The following TUSC3 variants were observed in gnomAD, a reference collection of about 807,000 sequenced individuals.
TUSC3 encodes tumor suppressor candidate 3.
Under a neutral mutation model 44.8 loss-of-function variants are expected in TUSC3, and 45 were observed. That is an observed-to-expected ratio of 1.00 (90% CI 0.79 to 1.29). The LOEUF (loss-of-function observed/expected upper bound fraction) is 1.29, where lower values mean the gene tolerates loss of function less well. TUSC3 is among the 50% of genes most tolerant of loss of function. TUSC3 has a pLI of 0.00. For synonymous variants in TUSC3, 212 were observed against 152.9 expected, an observed-to-expected ratio of 1.39 and a Z score of -2.85; for missense variants, 519 against 437.9, an observed-to-expected ratio of 1.19 and a Z score of -1.65.
chr8:15,468,570 AC>A (rs992068697), intron 1 of TUSC3, among the ~76,000 whole-genome samples: 1 of 152,040 alleles, frequency 6.6e-6, no homozygotes, highest in African/African-American at 2.4e-5. Context: ...TTTGTTTTTT[AC>A]CCTTAAATTT....
chr8:15,538,925 C>G (rs1801578958), upstream of TUSC3, among the ~76,000 whole-genome samples: 1 of 151,858 alleles, frequency 6.6e-6, no homozygotes, highest in Admixed American at 6.6e-5. Context: ...TCGGAACTCA[C>G]TGTAACCTCA....
chr8:15,803,160 G>C, the TUSC3 span, among the ~76,000 whole-genome samples: 1 of 152,080 alleles, frequency 6.6e-6, no homozygotes, highest in African/African-American at 2.4e-5. Context: ...GAACAGTGAG[G>C]GGTGAGTCAT....
rs1318236771 is a variant in TUSC3 at position 15,597,846 on chromosome 8, T to A, written c.139-25234T>A. On this transcript the variant is annotated intron_variant, in intron 1 of 10. Coordinates refer to ENST00000503731, the MANE Select transcript of TUSC3 (RefSeq NM_006765.4). ...GAGTATGGCCTACATTTTTAAGGCATTTGGAATTCTAAGTTGGTAATGGGG... is the reference window on the plus strand; with the variant it reads ...GAGTATGGCCTACATTTTTAAGGCAATTGGAATTCTAAGTTGGTAATGGGG... Among the ~76,000 whole-genome samples, 8 of 152,018 alleles carry A rather than the reference T, an allele frequency of 5.3e-5. No individual in the cohort carries two copies. The East Asian group carries it at 1.5e-3, about 29-fold the overall frequency.
chr8:15,557,736 A>G lies in TUSC3; in HGVS notation c.138+17168A>G, dbSNP rs1172646993. Among the ~76,000 whole-genome samples the G allele has an allele frequency of 4.3e-5, 6 of 137,950 alleles. No homozygotes were observed. The Admixed American group carries it at 4.5e-4, about 10-fold the overall frequency. The allele number at this position is 137,950 out of a possible 152,430, so 90.5% of individuals were successfully genotyped here. ...GTCCTTCACATCCCTTGTAAGTTGGATTCCTAGATATTTTCTTCTCTTTGA... is the reference window on the plus strand; with the variant it reads ...GTCCTTCACATCCCTTGTAAGTTGGGTTCCTAGATATTTTCTTCTCTTTGA... On this transcript the variant is annotated intron_variant, in intron 1 of 10. Coordinates refer to ENST00000503731, the MANE Select transcript of TUSC3 (RefSeq NM_006765.4).
Position 15,570,380 on chromosome 8 carries a change from A to T in TUSC3, c.138+29812A>T, listed in dbSNP as rs548508710. On this transcript the variant is annotated intron_variant, in intron 1 of 10. Coordinates refer to ENST00000503731, the MANE Select transcript of TUSC3 (RefSeq NM_006765.4). Reference sequence around the variant, plus strand: ...TGCTGGAAATTGGTTGAAAGATTGTATTCTTTGGTTTGAAATAAGTTGCAA... The same window carrying T: ...TGCTGGAAATTGGTTGAAAGATTGTTTTCTTTGGTTTGAAATAAGTTGCAA... Among the ~76,000 whole-genome samples, 3 of 152,052 alleles carry T rather than the reference A, an allele frequency of 2.0e-5. No individual in the cohort carries two copies. The East Asian group carries it at 5.8e-4, about 29-fold the overall frequency.
intron 1 of TUSC3, among the ~76,000 whole-genome samples, chr8:15,422,488 T>G (rs565389249): frequency 6.6e-6 from 1 of 152,282 alleles, no homozygotes; most frequent in South Asian, 2.1e-4. Flanking sequence ...TTAGAAGATA[T>G]AAGTTCAAGA....
chr8:15,722,643 A>G (rs1810344582), intron 6 of TUSC3, among the ~76,000 whole-genome samples: 1 of 152,118 alleles, frequency 6.6e-6, no homozygotes, highest in African/African-American at 2.4e-5. Context: ...CACTTCATGT[A>G]TACAGAATCT....
At chr8:15,812,396 T>A in the TUSC3 span, among the ~76,000 whole-genome samples, 6 of 152,156 alleles carry the variant, frequency 3.9e-5, no homozygotes, top group Admixed American at 3.9e-4. Flanking sequence ...ACCAGGACCA[T>A]AATTTTGAGA....
At chr8:15,503,256 A>G (rs1800993748) in intron 2 of TUSC3, among the ~76,000 whole-genome samples, 1 of 152,206 alleles carries the variant, frequency 6.6e-6, no homozygotes, top group Non-Finnish European at 1.5e-5. Flanking sequence ...CAATATGGCC[A>G]TCTACAAGCC....
chr8:15,753,722 G>A (rs950590102), intron 9 of TUSC3, among the ~76,000 whole-genome samples: 2 of 151,898 alleles, frequency 1.3e-5, no homozygotes, highest in African/African-American at 4.8e-5. Context: ...ATAACTGCCT[G>A]ACAAACATCG....
chr8:15,644,596 C>G (rs142736103), intron 2 of TUSC3, among the ~76,000 whole-genome samples: 6 of 152,098 alleles, frequency 3.9e-5, no homozygotes, highest in African/African-American at 1.2e-4. Flanking sequence ...TAGGTTTTCT[C>G]TGTCCCCTAT....
At chr8:15,591,903 G>T (rs140357932) in intron 1 of TUSC3, among the ~76,000 whole-genome samples, 1 of 152,162 alleles carries the variant, frequency 6.6e-6, no homozygotes, top group Non-Finnish European at 1.5e-5. Context: ...GAGGTGACAT[G>T]ATCTCTTTTA....
At chr8:15,555,161 T>TG (rs1802204382) in intron 1 of TUSC3, among the ~76,000 whole-genome samples, 2 of 96,338 alleles carry the variant, frequency 2.1e-5, no homozygotes, top group Non-Finnish European at 4.4e-5. Flanking sequence ...TTTTTTTTTT[T>TG]TGGGGGGGAC....
At chr8:15,667,223 A>C in intron 5 of TUSC3, among the ~76,000 whole-genome samples, 1 of 151,596 alleles carries the variant, frequency 6.6e-6, no homozygotes, top group African/African-American at 2.4e-5. Context: ...ACTTAGTCTT[A>C]AGCTTTTTGT....
chr8:15,642,741 C>T (rs974912534), intron 2 of TUSC3, among the ~76,000 whole-genome samples: 5 of 151,968 alleles, frequency 3.3e-5, no homozygotes, highest in Admixed American at 6.6e-5. Flanking sequence ...ATGATAGTTC[C>T]TGGGCATGTT....
chr8:15,808,475 G>A, the TUSC3 span, among the ~76,000 whole-genome samples: 45 of 152,254 alleles, frequency 3.0e-4, no homozygotes, highest in African/African-American at 1.0e-3. Flanking sequence ...GGTTAGAAAA[G>A]TTCTCTCAAT....
chr8:15,654,573 A>G (rs1251806145), intron 3 of TUSC3, among the ~76,000 whole-genome samples: 5 of 152,150 alleles, frequency 3.3e-5, no homozygotes, highest in Non-Finnish European at 7.4e-5. Context: ...ACTTATTAAA[A>G]AAGGTTTATG....
intron 2 of TUSC3, among the ~76,000 whole-genome samples, chr8:15,526,277 C>A (rs1260964889): frequency 6.6e-6 from 1 of 152,124 alleles, no homozygotes; most frequent in Admixed American, 6.5e-5. Flanking sequence ...TCGTGATCTG[C>A]CCGCCTCGGC....
intron 1 of TUSC3, among the ~76,000 whole-genome samples, chr8:15,441,634 A>G (rs1800021197): frequency 6.6e-6 from 1 of 152,178 alleles, no homozygotes; most frequent in African/African-American, 2.4e-5. Flanking sequence ...TATTAGGGAC[A>G]TTTCTCATTC....
Sources: allele counts gnomAD v4.1 joint callset (sites outside exome capture counted in the v4.1 genomes callset), GRCh38; gene constraint gnomAD v4.1.1; transcripts MANE v1.5; gene names NCBI Gene and HGNC (gene_info 2026-07-23, HGNC 2026-07-21).